EXOC2: variants seen among roughly 807,000 people sequenced by gnomAD.
EXOC2 encodes SEC5-like 1.
Under a neutral mutation model 131.8 loss-of-function variants are expected in EXOC2, and 70 were observed. The ratio of observed to expected loss-of-function variants is 0.53; its 90% confidence interval spans 0.44 to 0.65. The LOEUF is 0.65. Among genes scored for constraint, EXOC2 ranks in the 30% least tolerant of loss-of-function variants. The pLI is 0.00. For synonymous variants in EXOC2, 411 were observed against 398.4 expected (o/e 1.03, Z -0.38); for missense variants, 923 against 1,108.6 (o/e 0.83, Z 2.38).
chr6:539,151 T>C (rs1766650009), intron 22 of EXOC2, among the ~76,000 whole-genome samples: 1 of 151,990 alleles, frequency 6.6e-6, no homozygotes, highest in Admixed American at 6.6e-5. Flanking sequence ...TATCTGGAGG[T>C]AGCCCCATCA....
At chr6:583,198 T>C (rs963600850) in intron 11 of EXOC2, among the ~76,000 whole-genome samples, 3 of 152,214 alleles carry the variant, frequency 2.0e-5, no homozygotes, top group Non-Finnish European at 4.4e-5. Context: ...AGAACAAAAG[T>C]ACTTACAATT....
intron 23 of EXOC2, among the ~76,000 whole-genome samples, chr6:504,551 C>T (rs1356995150): frequency 2.6e-5 from 4 of 152,162 alleles, no homozygotes; most frequent in Non-Finnish European, 5.9e-5. Flanking sequence ...CTATCAGTAA[C>T]GTTAGTGCTT....
rs1449360565 is a variant in EXOC2 at position 676,870 on chromosome 6, A to T, written c.-44+16149T>A. 6.1e-5 allele frequency among the ~76,000 whole-genome samples: 8 copies of T among 131,694 alleles called. 1 individual carries two copies. The highest frequency in any genetic ancestry group is 2.2e-4 in the African/African-American group (8 of 36,280). The allele number at this position is 131,694 out of a possible 152,430, so 86.4% of individuals were successfully genotyped here. ...GCGGTTCCCCATACTCTTCAACATT[A>T]CGGAAAGGACAGGTTCCTCTGGAGA... On this transcript the variant is annotated intron_variant, in intron 1 of 27. Coordinates refer to ENST00000230449, the MANE Select transcript of EXOC2 (RefSeq NM_018303.6).
At chr6:487,252 C>G (rs944829255) in intron 27 of EXOC2, among the ~76,000 whole-genome samples, 3 of 152,158 alleles carry the variant, frequency 2.0e-5, no homozygotes, top group African/African-American at 7.2e-5. Flanking sequence ...CTTTCCCTTC[C>G]TCTCATTTTG....
At chr6:648,401 C>T (rs962868737) in intron 1 of EXOC2, among the ~76,000 whole-genome samples, 3 of 152,180 alleles carry the variant, frequency 2.0e-5, no homozygotes, top group Non-Finnish European at 4.4e-5. Context: ...TTCAGTTTGA[C>T]GATCCATGCC....
rs374113586 is a variant in EXOC2, at chr6:599,245, G to C, written c.743-20C>G. The stretch of plus-strand genomic sequence containing the variant: ...TTGCTCCTGTTTTAAAAAGAGGAAA[G>C]GAAACTTAGATGAAAGCTGATTTTA... On this transcript the variant is annotated intron_variant, in intron 7 of 27. Coordinates refer to ENST00000230449, the MANE Select transcript of EXOC2 (RefSeq NM_018303.6). The C allele has an allele frequency of 4.0e-6, 6 of 1,517,084 alleles. No homozygotes were observed. The highest frequency in any genetic ancestry group is 1.4e-5 in the African/African-American group (1 of 71,948). The allele number at this position is 1,517,084 out of a possible 1,614,324, so 94.0% of individuals were successfully genotyped here.
At chr6:623,348 C>T (rs978163647) in intron 4 of EXOC2, among the ~76,000 whole-genome samples, 1 of 152,206 alleles carries the variant, frequency 6.6e-6, no homozygotes, top group African/African-American at 2.4e-5. Flanking sequence ...AGCACTACAT[C>T]TCTTGGTCAA....
rs1209997399 is a variant in EXOC2 at position 619,438 on chromosome 6, T to C, written c.528A>G (p.Ser176=). Residue 176 remains serine, a synonymous_variant, in exon 5 of 28, where the codon TCA becomes TCG. Coordinates refer to ENST00000230449, the MANE Select transcript of EXOC2 (RefSeq NM_018303.6). ...SAAWYLIENH[S]NTSFEQLKMA... The stretch of plus-strand genomic sequence containing the variant: ...GTCCCATATCCACTAACCTGGTGTT[T>C]GAGTGATTCTCTATAAGATACCAGG... 6.2e-7 allele frequency: 1 copy of C among 1,613,188 alleles called. No individual in the cohort carries two copies. Among genetic ancestry groups the C allele is most frequent in the African/African-American group, 1.3e-5 (1 of 74,922 alleles).
intron 24 of EXOC2, 31 bp downstream of exon 24, chr6:499,614 T>C: frequency 6.3e-7 from 1 of 1,577,608 alleles, no homozygotes. Flanking sequence ...TGGTTATCCA[T>C]ATCTCTTAGG....
intron 19 of EXOC2, among the ~76,000 whole-genome samples, chr6:555,602 G>A (rs138592456): frequency 1.6e-4 from 25 of 152,202 alleles, no homozygotes; most frequent in African/African-American, 5.8e-4. Flanking sequence ...TCAACTTTAT[G>A]TGCCTGCAAA....
intron 17 of EXOC2, 34 bp downstream of exon 17, chr6:562,750 T>G: frequency 7.0e-7 from 1 of 1,432,852 alleles, no homozygotes. Context: ...AAATACACAC[T>G]AATGACTAAT....
chr6:549,045 G>C, intron 22 of EXOC2, 130 bp downstream of exon 22: 4 of 726,358 alleles, frequency 5.5e-6, no homozygotes, highest in Non-Finnish European at 7.4e-6. Flanking sequence ...GTGAAGGCGG[G>C]GAAGCAGTGT....
intron 1 of EXOC2, among the ~76,000 whole-genome samples, chr6:652,878 G>T (rs1358730230): frequency 6.6e-6 from 1 of 152,146 alleles, no homozygotes; most frequent in Non-Finnish European, 1.5e-5. Flanking sequence ...TGACAACCCT[G>T]CATCAAGCAA....
intron 22 of EXOC2, among the ~76,000 whole-genome samples, chr6:545,350 C>T (rs1488488173): frequency 3.3e-5 from 5 of 152,036 alleles, no homozygotes; most frequent in African/African-American, 1.2e-4. Context: ...ATTATACCTA[C>T]CACAATAAAA....
chr6:511,261 GA>G (rs1157346556), intron 23 of EXOC2, among the ~76,000 whole-genome samples: 1 of 152,246 alleles, frequency 6.6e-6, no homozygotes, highest in African/African-American at 2.4e-5. Context: ...TGGAGCACGG[GA>G]AAGAAGTAAT....
At chr6:671,637 G>A (rs992559503) in intron 1 of EXOC2, among the ~76,000 whole-genome samples, 3 of 152,002 alleles carry the variant, frequency 2.0e-5, no homozygotes, top group African/African-American at 7.3e-5. Context: ...AAATCTAATG[G>A]CAATAAATCC....
chr6:637,664 C>T (rs376495722), intron 2 of EXOC2, 37 bp downstream of exon 2: 12 of 1,511,324 alleles, frequency 7.9e-6, no homozygotes, highest in South Asian at 2.5e-5. Context: ...CATAAAAATC[C>T]GATTAGCAGG....
At chr6:534,045 AC>A (rs1479914971) in intron 22 of EXOC2, among the ~76,000 whole-genome samples, 1 of 152,218 alleles carries the variant, frequency 6.6e-6, no homozygotes, top group African/African-American at 2.4e-5. Flanking sequence ...GGTGAAACAT[AC>A]AACTTCCAAA....
At chr6:585,064 C>T (rs1759128844) in intron 11 of EXOC2, among the ~76,000 whole-genome samples, 1 of 152,168 alleles carries the variant, frequency 6.6e-6, no homozygotes, top group Admixed American at 6.5e-5. Context: ...GGTGACACTT[C>T]TTAATAAGGT....
Sources: gnomAD v4.1 joint callset for allele counts (sites outside exome capture counted in the v4.1 genomes callset) on GRCh38, gnomAD v4.1.1 for gene constraint, MANE v1.5 for transcripts, NCBI Gene and HGNC (gene_info 2026-07-23, HGNC 2026-07-21) for gene names.